LRP1B: variants seen among roughly 807,000 people sequenced by gnomAD.
LRP1B encodes the protein low-density lipoprotein receptor-related protein 1B.
Under a neutral mutation model 556.6 loss-of-function variants are expected in LRP1B, and 217 were observed. The observed-to-expected ratio is 0.39, with a 90% CI of 0.35 to 0.44. LRP1B has a LOEUF of 0.44. Among genes scored for constraint, LRP1B ranks in the 20% least tolerant of loss-of-function variants. The probability of loss-of-function intolerance (pLI) is 1.00; values close to 1 mark genes in which losing one functional copy is unlikely to be tolerated. For synonymous variants in LRP1B, 2,047 were observed against 1,865.8 expected, an observed-to-expected ratio of 1.10 and a Z score of -2.50; for missense variants, 5,053 against 5,620.8, an observed-to-expected ratio of 0.90 and a Z score of 3.23.
At chr2:141,931,205 T>C (rs560293063) in intron 1 of LRP1B, among the ~76,000 whole-genome samples, 3 of 152,018 alleles carry the variant, frequency 2.0e-5, no homozygotes, top group Non-Finnish European at 4.4e-5. Flanking sequence ...TTATTATAGA[T>C]TCTCTACAGT....
intron 33 of LRP1B, among the ~76,000 whole-genome samples, chr2:140,772,961 G>T (rs1037872310): frequency 6.6e-6 from 1 of 151,962 alleles, no homozygotes; most frequent in Non-Finnish European, 1.5e-5. Flanking sequence ...TTAGCCAGGT[G>T]TGGTGGCTAC....
At chr2:141,631,417 G>T (rs1435541093) in intron 2 of LRP1B, among the ~76,000 whole-genome samples, 1 of 151,246 alleles carries the variant, frequency 6.6e-6, no homozygotes, top group African/African-American at 2.4e-5. Context: ...AATTATAGGA[G>T]ATCATTGTGT....
chr2:141,222,955 C>T (rs1289503587), intron 6 of LRP1B, among the ~76,000 whole-genome samples: 4 of 152,114 alleles, frequency 2.6e-5, no homozygotes, highest in Admixed American at 1.3e-4. Context: ...AAGCTGGAAG[C>T]ATTCCCCTTG....
chr2:141,268,552 G>A (rs1232873032), intron 3 of LRP1B, among the ~76,000 whole-genome samples: 1 of 152,076 alleles, frequency 6.6e-6, no homozygotes, highest in Non-Finnish European at 1.5e-5. Flanking sequence ...GAGGCTCTTG[G>A]AGAAAGGCCA....
rs1322318073 is a variant in LRP1B, at chr2:141,104,719, A to C, written c.1014-42446T>G. On this transcript the variant is annotated intron_variant, in intron 7 of 90. Transcript: ENST00000389484. ...AAGCAAGGGTCTGAATTATTCCCAA[A>C]ACAATAATCAGCTGAAATTAAGTTG... Among the ~76,000 whole-genome samples the C allele has an allele frequency of 3.3e-5, 5 of 152,184 alleles. No individual in the cohort carries two copies. The East Asian group carries it at 9.6e-4, about 29-fold the overall frequency.
intron 1 of LRP1B, among the ~76,000 whole-genome samples, chr2:141,981,678 ACT>A (rs1410254096): frequency 2.0e-5 from 3 of 152,028 alleles, no homozygotes; most frequent in Non-Finnish European, 2.9e-5. Context: ...ATAGATGTTT[ACT>A]CTTTTTTCTT....
At chr2:140,244,527 T>C (rs557469215) in intron 87 of LRP1B, among the ~76,000 whole-genome samples, 4 of 151,404 alleles carry the variant, frequency 2.6e-5, no homozygotes, top group African/African-American at 9.7e-5. Flanking sequence ...CAATGAATAT[T>C]TTATTATGCT....
chr2:141,164,480 A>G (rs1447075222), intron 7 of LRP1B, among the ~76,000 whole-genome samples: 2 of 152,230 alleles, frequency 1.3e-5, no homozygotes, highest in African/African-American at 2.4e-5. Flanking sequence ...ATGACTTCAT[A>G]AGGAGAATAA....
At chr2:140,695,229 C>T (rs1343310009) in intron 41 of LRP1B, among the ~76,000 whole-genome samples, 1 of 152,040 alleles carries the variant, frequency 6.6e-6, no homozygotes, top group Admixed American at 6.5e-5. Flanking sequence ...GCCTCTGCGT[C>T]TTAAACTGCA....
chr2:140,321,669 A>G (rs947448432), intron 82 of LRP1B, among the ~76,000 whole-genome samples: 1 of 131,626 alleles, frequency 7.6e-6, no homozygotes, highest in South Asian at 2.2e-4. Context: ...ATATTGTTTT[A>G]TCTAATAGAA....
At position 141,462,799 on chromosome 2, in the gene LRP1B, G is replaced by T. The variant is rs576467761; in HGVS notation, c.343+17597C>A. Among the ~76,000 whole-genome samples the T allele has an allele frequency of 1.0e-4, 15 of 143,324 alleles. No homozygotes were observed. The East Asian group carries it at 2.3e-3, about 22-fold the overall frequency. The allele number at this position is 143,324 out of a possible 152,430, so 94.0% of individuals were successfully genotyped here. A position where few individuals can be genotyped will look rare whatever the true frequency, so the allele number is the denominator to read the frequency against. On this transcript the variant is annotated intron_variant, in intron 3 of 90. Transcript: ENST00000389484. ...GTTACTATACTAGTAGTAACCCGCT[G>T]CCCAAAGCCAACAATAAAATATTTT...
intron 20 of LRP1B, among the ~76,000 whole-genome samples, chr2:140,935,856 C>G (rs539152440): frequency 2.6e-5 from 4 of 151,720 alleles, no homozygotes; most frequent in African/African-American, 9.7e-5. Flanking sequence ...ATATGTATAT[C>G]CAAGTTTCTG....
intron 2 of LRP1B, among the ~76,000 whole-genome samples, chr2:141,680,387 A>C (rs1315211775): frequency 6.6e-6 from 1 of 152,186 alleles, no homozygotes; most frequent in African/African-American, 2.4e-5. Context: ...ATAGACAAAG[A>C]AAGTTGAGCA....
chr2:141,275,143 C>T (rs1685236743), intron 3 of LRP1B, among the ~76,000 whole-genome samples: 1 of 152,148 alleles, frequency 6.6e-6, no homozygotes, highest in South Asian at 2.1e-4. Context: ...TAAACTACAA[C>T]AAATACACAA....
At chr2:140,839,341 G>A (rs979296010) in intron 31 of LRP1B, among the ~76,000 whole-genome samples, 1 of 152,172 alleles carries the variant, frequency 6.6e-6, no homozygotes, top group African/African-American at 2.4e-5. Flanking sequence ...TGGATTGCAG[G>A]ATGCAAAGTA....
chr2:141,267,494 A>C (rs1341386739), intron 3 of LRP1B, among the ~76,000 whole-genome samples: 1 of 152,198 alleles, frequency 6.6e-6, no homozygotes, highest in Non-Finnish European at 1.5e-5. Flanking sequence ...TTGGACTGGC[A>C]AAGCCAGGGT....
chr2:140,990,033 C>T (rs1300359532), intron 16 of LRP1B, among the ~76,000 whole-genome samples: 1 of 151,956 alleles, frequency 6.6e-6, no homozygotes, highest in Non-Finnish European at 1.5e-5. Context: ...TGGTGAAACC[C>T]TGTTTCTACT....
intron 7 of LRP1B, among the ~76,000 whole-genome samples, chr2:141,095,353 A>ATTTTTTTTTTTTTATTTTTTATTTTTTTT (rs1574068120): frequency 6.9e-6 from 1 of 145,634 alleles, no homozygotes; most frequent in Admixed American, 7.0e-5. Context: ...GGTTCTCTTT[A>ATTTTTTTTTTTTTATTTTTTATTTTTTTT]GAGAAACAAT....
intron 1 of LRP1B, among the ~76,000 whole-genome samples, chr2:141,947,914 T>C (rs547185374): frequency 6.6e-6 from 1 of 152,224 alleles, no homozygotes; most frequent in Admixed American, 6.5e-5. Context: ...AAAGCATCAG[T>C]AGTGGAGACT....
Sources: gnomAD v4.1 joint callset for allele counts (sites outside exome capture counted in the v4.1 genomes callset) on GRCh38, gnomAD v4.1.1 for gene constraint, MANE v1.5 for transcripts, NCBI Gene and HGNC (gene_info 2026-07-23, HGNC 2026-07-21) for gene names.